Variants in IFT74 observed in about 807,000 individuals in gnomAD.
The protein encoded by IFT74 is intraflagellar transport 74.
A neutral mutation model predicts 96.7 loss-of-function variants in IFT74; 92 were observed. The ratio of observed to expected loss-of-function variants is 0.95; its 90% CI spans 0.80 to 1.13. IFT74 has a LOEUF of 1.13. Among genes scored for constraint, IFT74 ranks in the 50% most tolerant of loss-of-function variants. The pLI is 0.00. For synonymous variants in IFT74, 223 were observed against 213.2 expected, an observed-to-expected ratio of 1.05 and a Z score of -0.40; for missense variants, 811 against 698.2, an observed-to-expected ratio of 1.16 and a Z score of -1.82.
intron 1 of IFT74, among the ~76,000 whole-genome samples, chr9:26,961,504 A>G (rs796460076): frequency 5.3e-5 from 8 of 152,312 alleles, no homozygotes; most frequent in African/African-American, 1.9e-4. Context: ...AAACACTTGG[A>G]CTACCGAAAG....
chr9:27,013,742 T>C (rs1205036908), intron 10 of IFT74, among the ~76,000 whole-genome samples: 2 of 152,204 alleles, frequency 1.3e-5, no homozygotes, highest in African/African-American at 4.8e-5. Flanking sequence ...ATACTGTCTG[T>C]ATCTCAAATC....
intron 6 of IFT74, among the ~76,000 whole-genome samples, chr9:26,984,803 AT>A (rs1827566421): frequency 6.6e-6 from 1 of 152,198 alleles, no homozygotes; most frequent in South Asian, 2.1e-4. Context: ...GAAGTCAAAA[AT>A]AACAGATGCT....
intron 8 of IFT74, among the ~76,000 whole-genome samples, chr9:26,997,410 T>G (rs1828221559): frequency 6.8e-6 from 1 of 147,176 alleles, no homozygotes; most frequent in Admixed American, 7.0e-5. Context: ...CTCGGCTCAC[T>G]GTAACATCTG....
At chr9:27,039,143 G>A (rs1004433354) in intron 13 of IFT74, among the ~76,000 whole-genome samples, 5 of 152,032 alleles carry the variant, frequency 3.3e-5, no homozygotes, top group South Asian at 2.1e-4. Flanking sequence ...CGTCATCATC[G>A]TCAAATGAGG....
chr9:27,035,632 A>T (rs1723286965), intron 13 of IFT74, among the ~76,000 whole-genome samples: 1 of 152,236 alleles, frequency 6.6e-6, no homozygotes, highest in African/African-American at 2.4e-5. Flanking sequence ...TTCGAAAATG[A>T]TTAAGGACCA....
intron 12 of IFT74, among the ~76,000 whole-genome samples, chr9:27,027,595 A>G (rs1003390601): frequency 3.9e-5 from 6 of 151,960 alleles, no homozygotes; most frequent in Non-Finnish European, 7.4e-5. Context: ...TCATATGCTT[A>G]TTGGCCATAT....
At chr9:26,995,751 T>C (rs1587311844) in intron 8 of IFT74, 2 of 1,613,886 alleles carry the variant, frequency 1.2e-6, no homozygotes, top group Non-Finnish European at 1.7e-6. Context: ...TTGTACCATA[T>C]TGGGCATTTG....
At chr9:27,026,656 C>G (rs1723351321) in intron 12 of IFT74, among the ~76,000 whole-genome samples, 1 of 152,056 alleles carries the variant, frequency 6.6e-6, no homozygotes, top group Admixed American at 6.6e-5. Flanking sequence ...AACTGGAAAT[C>G]AACTCCAAAA....
At chr9:27,047,468 T>G in intron 15 of IFT74, 97 bp downstream of exon 15, 1 of 637,810 alleles carries the variant, frequency 1.6e-6, no homozygotes, top group South Asian at 2.1e-5. Flanking sequence ...CTATTGTATC[T>G]TCTCATTTAA....
chr9:27,042,913 C>T (rs146671775), intron 13 of IFT74, among the ~76,000 whole-genome samples: 14 of 152,274 alleles, frequency 9.2e-5, no homozygotes, highest in African/African-American at 3.1e-4. Flanking sequence ...CTTTCTGTTT[C>T]CCACTCAAAA....
chr9:27,029,248 TACTGTATGAGTAATATTA>T (rs1427091570), intron 13 of IFT74, 144 bp downstream of exon 13: 6 of 523,672 alleles, frequency 1.1e-5, no homozygotes, highest in African/African-American at 9.9e-5. Context: ...CTAAAATATA[TACTGTATGAGTAATATTA>T]AAGCAATGAT....
chr9:26,984,233 A>G lies in IFT74; in HGVS notation c.306-24A>G, dbSNP rs2131540908. ...GTTTTCTGGATTAAAAGTATTGCTG[A>G]CATTCTTATTTCTTTTCTAATAGAA... On this transcript the variant is annotated intron_variant, in intron 4 of 19. Coordinates refer to ENST00000380062, the MANE Select transcript of IFT74 (RefSeq NM_025103.4). 1 of 1,528,204 alleles carries G rather than the reference A, an allele frequency of 6.5e-7. No individual in the cohort carries two copies. The highest frequency in any genetic ancestry group is 8.8e-7 in the Non-Finnish European group (1 of 1,130,730). The allele number at this position is 1,528,204 out of a possible 1,614,324, so 94.7% of individuals were successfully genotyped here. A position where few individuals can be genotyped will look rare whatever the true frequency, so the allele number is the denominator to read the frequency against.
intron 1 of IFT74, among the ~76,000 whole-genome samples, chr9:26,948,262 G>C (rs942017348): frequency 6.6e-6 from 1 of 151,856 alleles, no homozygotes; most frequent in African/African-American, 2.4e-5. Context: ...CCAAACTCTA[G>C]ATCTGTATTT....
At chr9:27,061,144 GGT>G (rs34615635) in intron 19 of IFT74, among the ~76,000 whole-genome samples, 74,947 of 149,684 alleles carry the variant, frequency 0.5, 18,868 homozygotes, top group African/African-American at 0.54. Flanking sequence ...GTAGTTAAGA[GGT>G]GTGTGTGTGT....
intron 13 of IFT74, among the ~76,000 whole-genome samples, chr9:27,033,550 G>A (rs932861390): frequency 7.6e-6 from 1 of 132,154 alleles, no homozygotes; most frequent in Non-Finnish European, 1.6e-5. Context: ...CTTCAGCCTG[G>A]ATAACAAAGT....
chr9:27,062,163 G>C (rs904668133), intron 19 of IFT74, among the ~76,000 whole-genome samples: 1 of 152,086 alleles, frequency 6.6e-6, no homozygotes, highest in Non-Finnish European at 1.5e-5. Flanking sequence ...TAAAAATAGA[G>C]GACTTGTTCA....
intron 14 of IFT74, among the ~76,000 whole-genome samples, chr9:27,045,602 T>C (rs542682851): frequency 1.0e-3 from 159 of 152,322 alleles, no homozygotes; most frequent in African/African-American, 3.5e-3. Flanking sequence ...ATTTTATAAA[T>C]TGGTTTTCAC....
At chr9:26,988,957 T>C (rs1193427627) in intron 7 of IFT74, among the ~76,000 whole-genome samples, 2 of 152,188 alleles carry the variant, frequency 1.3e-5, no homozygotes, top group African/African-American at 4.8e-5. Context: ...TCTACTGTGT[T>C]TGAACTGGTG....
rs1826097684 is a variant in IFT74, at chr9:26,956,422, T to C, written c.-114T>C. The C allele has an allele frequency of 6.6e-6, 1 of 152,230 alleles. No homozygotes were observed. The highest frequency in any genetic ancestry group is 2.1e-4 in the South Asian group (1 of 4,830). The allele number at this position is 152,230 out of a possible 1,614,324, so 9.4% of individuals were successfully genotyped here. A position where few individuals can be genotyped will look rare whatever the true frequency, so the allele number is the denominator to read the frequency against. Reference sequence around the variant, plus strand: ...GCCGCGGCGCACGGCAGTTAGTGGGTAGGCCTGAGAGCCGAGGAAAACTGA... The same window carrying C: ...GCCGCGGCGCACGGCAGTTAGTGGGCAGGCCTGAGAGCCGAGGAAAACTGA... On this transcript the variant is annotated 5_prime_UTR_variant, in exon 1 of 20. Transcript: ENST00000380062.
Sources: allele counts gnomAD v4.1 joint callset (sites outside exome capture counted in the v4.1 genomes callset), GRCh38; gene constraint gnomAD v4.1.1; transcripts MANE v1.5; gene names NCBI Gene and HGNC (gene_info 2026-07-23, HGNC 2026-07-21).